Variants in POLR2B observed in about 807,000 individuals in gnomAD.
The protein encoded by POLR2B is RNA polymerase II subunit B.
POLR2B carries 57 observed loss-of-function variants against 144.6 expected under a neutral mutation model. The observed-to-expected ratio is 0.39, with a 90% confidence interval of 0.32 to 0.49. The LOEUF is 0.49. Ranked by LOEUF, POLR2B falls within the 20% of genes least tolerant of loss-of-function variation. POLR2B has a pLI of 0.83. For missense variants in POLR2B, 595 were observed against 1,467.4 expected, an observed-to-expected ratio of 0.41 and a Z score of 9.71; for synonymous variants, 442 against 469.8, an observed-to-expected ratio of 0.94 and a Z score of 0.77.
At position 56,990,766 on chromosome 4, in the gene POLR2B, A is replaced by G. The variant is rs200574303; in HGVS notation, c.111A>G (p.Lys37=). Residue 37 remains lysine, a synonymous_variant, in exon 3 of 25, where the codon AAA becomes AAG. Transcript: ENST00000314595. ...TTCCCAGTTCCTATTTTGACGAGAA[A>G]GGCTTGGTTAGACAACAGCTGGATT... ...WIVISSYFDE[K]GLVRQQLDSF... The G allele has an allele frequency of 4.0e-5, 65 of 1,606,738 alleles. No individual in the cohort carries two copies. In the Middle Eastern group the frequency reaches 1.5e-3, roughly 37 times the overall value.
chr4:56,994,835 G>A lies in POLR2B; in HGVS notation c.545G>A (p.Gly182Asp). Residue 182 changes from glycine to aspartate, a missense_variant, in exon 5 of 25, where the codon GGT becomes GAT. By Grantham distance (94) the Gly-to-Asp change is moderately conservative. This residue lies in a region of POLR2B where 251 missense variants were observed against 567.3 expected (regional missense o/e 0.44). Transcript: ENST00000314595. ...TTAAATGAATGCCCTTTGGATCCTG[G>A]TGGCTATTTCATTATTAATGGATCA... is the stretch of plus-strand genomic sequence containing the variant. ...CELNECPLDP[G>D]GYFIINGSEK... The A allele has an allele frequency of 6.2e-7, 1 of 1,608,772 alleles. No individual in the cohort carries two copies. The highest frequency in any genetic ancestry group is 8.5e-7 in the Non-Finnish European group (1 of 1,176,294).
rs190659736 is a variant in POLR2B at position 57,014,023 on chromosome 4, A to C, written c.1801-1479A>C. Among the ~76,000 whole-genome samples the C allele has an allele frequency of 1.6e-3, 245 of 152,172 alleles. 2 individuals carry two copies. The highest frequency in any genetic ancestry group is 2.1e-3 in the Non-Finnish European group (143 of 68,002). ...GGAATGTTAGTTTTCTAAGAACTTA[A>C]GGCAGTGCATTTGAAAGAAGAATCT... On this transcript the variant is annotated intron_variant, in intron 13 of 24. Coordinates refer to ENST00000314595, the MANE Select transcript of POLR2B (RefSeq NM_000938.3).
chr4:56,997,856 G>C (rs12498216), intron 6 of POLR2B, among the ~76,000 whole-genome samples: 2 of 152,162 alleles, frequency 1.3e-5, no homozygotes, highest in Non-Finnish European at 2.9e-5. Flanking sequence ...AGTGAGAATG[G>C]GAGTGGAATG....
chr4:57,028,532 G>T (rs957442655), intron 23 of POLR2B, among the ~76,000 whole-genome samples: 6 of 152,122 alleles, frequency 3.9e-5, no homozygotes, highest in African/African-American at 1.4e-4. Context: ...CTTCATTAAG[G>T]ACATTTTTAA....
intron 7 of POLR2B, among the ~76,000 whole-genome samples, chr4:57,003,071 A>C (rs1165253997): frequency 1.3e-5 from 2 of 152,228 alleles, no homozygotes; most frequent in African/African-American, 4.8e-5. Context: ...AATCCATTAC[A>C]TGCCTTCTGA....
Position 57,023,489 on chromosome 4 carries a change from G to C in POLR2B, c.2675G>C (p.Cys892Ser), listed in dbSNP as rs763709782. The C allele has an allele frequency of 6.2e-7, 1 of 1,613,830 alleles. No homozygotes were observed. The highest frequency in any genetic ancestry group is 8.5e-7 in the Non-Finnish European group (1 of 1,179,726). The change falls in exon 19 of 25, where the codon TGT (cysteine) becomes TCT (serine). Residue 892 changes from cysteine to serine, a missense_variant. Physicochemically the swap from Cys to Ser is moderately radical, Grantham distance 112 (BLOSUM62 -1). Around this residue, in one of 9 missense-constraint regions of POLR2B, gnomAD observed 75 missense variants for 100.0 expected, o/e 0.75. Coordinates refer to ENST00000314595, the MANE Select transcript of POLR2B (RefSeq NM_000938.3). The surrounding 1 kb of genome is among the most constrained non-coding windows in gnomAD (Gnocchi z 4.3). ...STNRRYTKRD[C>S]STFLRTSETG... ...AATAGACGCTATACCAAGAGAGACT[G>C]TAGCACTTTTCTCAGAACTAGCGAG...
intron 6 of POLR2B, among the ~76,000 whole-genome samples, chr4:56,996,242 GTATA>G (rs1351659280): frequency 4.3e-4 from 41 of 96,050 alleles, no homozygotes; most frequent in Non-Finnish European, 5.6e-4. Context: ...GTGTGTGTAT[GTATA>G]TGTGTGTGTG....
rs1013542144 is a variant in POLR2B, at chr4:57,024,130, A to G, written c.2964+18A>G. 1.6e-6 allele frequency: 2 copies of G among 1,270,112 alleles called. No individual in the cohort carries two copies. Among genetic ancestry groups the G allele is most frequent in the African/African-American group, 1.5e-5 (1 of 67,270 alleles). 78.7% of individuals were successfully genotyped at this position (1,270,112 alleles called of 1,614,324 possible). On this transcript the variant is annotated intron_variant, in intron 21 of 24. Transcript: ENST00000314595. The stretch of plus-strand genomic sequence containing the variant: ...AAGGGAAGGTAAGAGATGTTCTTCA[A>G]AAATATAGATTCTAAGCTGATGCTT...
chr4:57,024,316 T>C lies in POLR2B; in HGVS notation c.2964+204T>C, dbSNP rs1463907669. The stretch of plus-strand genomic sequence containing the variant: ...GACAAGTCAGAATTTTTGTGAGATA[T>C]ACTACATTCAACTAATACATATGTG... On this transcript the variant is annotated intron_variant, in intron 21 of 24. Coordinates refer to ENST00000314595, the MANE Select transcript of POLR2B (RefSeq NM_000938.3). Among the ~76,000 whole-genome samples, 4 of 76,380 alleles carry C rather than the reference T, an allele frequency of 5.2e-5. 1 individual carries two copies. The Admixed American group carries it at 5.2e-4, about 10-fold the overall frequency. The allele number at this position is 76,380 out of a possible 152,430, so 50.1% of individuals were successfully genotyped here.
In POLR2B at chr4:57,012,059, A is replaced by G. The variant is rs547738906; in HGVS notation, c.1800+959A>G. On this transcript the variant is annotated intron_variant, in intron 13 of 24. Transcript: ENST00000314595. ...TGATATACCACTAATAGATTCTTTTATATTTTGGAGGATATTGAAGTGCTT... is the reference window on the plus strand; with the variant it reads ...TGATATACCACTAATAGATTCTTTTGTATTTTGGAGGATATTGAAGTGCTT... Among the ~76,000 whole-genome samples the G allele has an allele frequency of 6.9e-4, 105 of 152,250 alleles. 1 individual carries two copies. The South Asian group carries it at 7.9e-3, about 11-fold the overall frequency.
chr4:56,996,716 T>C (rs778489664), intron 6 of POLR2B, among the ~76,000 whole-genome samples: 3 of 152,162 alleles, frequency 2.0e-5, no homozygotes, highest in Non-Finnish European at 2.9e-5. Flanking sequence ...TAATATTTTA[T>C]TTGTAAGATA....
chr4:56,998,627 G>T lies in POLR2B; in HGVS notation c.736-990G>T, dbSNP rs1468601276. On this transcript the variant is annotated intron_variant, in intron 6 of 24. Transcript: ENST00000314595. ...CCCGCCTTGGCCTCCCAAAGTGCCGGGATTACAGGCATGAGCCACTGTGCC... is the reference window on the plus strand; with the variant it reads ...CCCGCCTTGGCCTCCCAAAGTGCCGTGATTACAGGCATGAGCCACTGTGCC... 4.6e-5 allele frequency among the ~76,000 whole-genome samples: 7 copies of T among 152,286 alleles called. No individual in the cohort carries two copies. In the East Asian group the frequency reaches 9.6e-4, roughly 21 times the overall value.
chr4:56,986,477 G>A (rs758662636), intron 2 of POLR2B, 51 bp downstream of exon 2: 3 of 1,071,044 alleles, frequency 2.8e-6, no homozygotes, highest in Non-Finnish European at 2.9e-6. Flanking sequence ...TAGATTTCCT[G>A]CTTATTCTTC....
chr4:57,013,793 G>C (rs1723277428), intron 13 of POLR2B, among the ~76,000 whole-genome samples: 1 of 152,048 alleles, frequency 6.6e-6, no homozygotes, highest in Non-Finnish European at 1.5e-5. Context: ...ATAAAACTGT[G>C]TTTACAAAAA....
chr4:56,983,900 T>C (rs187178518), intron 1 of POLR2B, among the ~76,000 whole-genome samples: 507 of 151,418 alleles, frequency 3.3e-3, no homozygotes, highest in Non-Finnish European at 5.4e-3. Flanking sequence ...AGGGTCGCAC[T>C]CTCACCCAGG....
chr4:57,030,482 A>G (rs2109730187), intron 24 of POLR2B, 83 bp downstream of exon 24: 1 of 975,386 alleles, frequency 1.0e-6, no homozygotes, highest in Middle Eastern at 2.3e-4. Flanking sequence ...TTAGTGTGGC[A>G]GAACAGATTG....
intron 13 of POLR2B, 111 bp from the exon 14 acceptor site, chr4:57,015,391 A>G (rs1723332587): frequency 2.0e-6 from 1 of 500,232 alleles, no homozygotes; most frequent in Admixed American, 3.6e-5. Flanking sequence ...ATTTTACTTG[A>G]TAAATTGGTT....
At chr4:56,986,164 T>C (rs1329212448) in intron 1 of POLR2B, 190 bp from the exon 2 acceptor site, 1 of 601,734 alleles carries the variant, frequency 1.7e-6, no homozygotes, top group East Asian at 3.1e-5. Context: ...TCTTTTTATA[T>C]TGGAAGAATA....
At chr4:56,989,193 G>A (rs1270682600) in intron 2 of POLR2B, among the ~76,000 whole-genome samples, 1 of 152,062 alleles carries the variant, frequency 6.6e-6, no homozygotes, top group African/African-American at 2.4e-5. Context: ...AATGATTTTG[G>A]GTAAAGTAGC....
Sources: allele counts gnomAD v4.1 joint callset (sites outside exome capture counted in the v4.1 genomes callset), GRCh38; gene constraint gnomAD v4.1.1; regional missense constraint gnomAD v4.1.1; non-coding constraint Gnocchi (gnomAD v3.1); transcripts MANE v1.5; gene names NCBI Gene and HGNC (gene_info 2026-07-23, HGNC 2026-07-21).